The following DYM variants were observed in gnomAD, a reference collection of about 807,000 sequenced individuals.
The protein encoded by DYM is dymeclin.
Under a neutral mutation model 93.1 loss-of-function variants are expected in DYM, and 78 were observed. The ratio of observed to expected loss-of-function variants is 0.84; its 90% confidence interval spans 0.70 to 1.01. The LOEUF is 1.01. Ranked by LOEUF, DYM falls within the 50% of genes least tolerant of loss-of-function variation. The probability of loss-of-function intolerance (pLI) is 0.00; values close to 1 mark genes in which losing one functional copy is unlikely to be tolerated. For synonymous variants in DYM, 321 were observed against 319.7 expected, an observed-to-expected ratio of 1.00 and a Z score of -0.04; for missense variants, 789 against 845.0, an observed-to-expected ratio of 0.93 and a Z score of 0.82.
At chr18:49,112,465 C>T (rs1212835839) in intron 16 of DYM, among the ~76,000 whole-genome samples, 4 of 152,164 alleles carry the variant, frequency 2.6e-5, no homozygotes, top group Non-Finnish European at 1.5e-5. Flanking sequence ...CCTGGTGTCT[C>T]ACCTCAACTT....
At chr18:49,140,560 G>A (rs550409427) in intron 15 of DYM, among the ~76,000 whole-genome samples, 67 of 152,140 alleles carry the variant, frequency 4.4e-4, no homozygotes, top group African/African-American at 1.5e-3. Context: ...AATCTGATAC[G>A]AATTTTAAAA....
At chr18:49,369,728 C>A (rs2066826995) in intron 5 of DYM, among the ~76,000 whole-genome samples, 1 of 145,106 alleles carries the variant, frequency 6.9e-6, no homozygotes, top group Admixed American at 7.1e-5. Flanking sequence ...GAATAAGTCC[C>A]ACAAAATAAT....
At chr18:49,374,753 G>T (rs1249836463) in intron 5 of DYM, among the ~76,000 whole-genome samples, 1 of 152,204 alleles carries the variant, frequency 6.6e-6, no homozygotes, top group Non-Finnish European at 1.5e-5. Flanking sequence ...GAGGTCAGGA[G>T]TTCAAGACCA....
chr18:49,399,379 A>G (rs2070503164), intron 2 of DYM, among the ~76,000 whole-genome samples: 1 of 152,224 alleles, frequency 6.6e-6, no homozygotes. Flanking sequence ...TGGTTAATCA[A>G]CACAGGGGAA....
chr18:49,301,213 C>G (rs966282083), intron 8 of DYM, among the ~76,000 whole-genome samples: 3 of 152,040 alleles, frequency 2.0e-5, no homozygotes, highest in Non-Finnish European at 2.9e-5. Flanking sequence ...GCCTTTACTC[C>G]TTAAAAAGAA....
intron 1 of DYM, among the ~76,000 whole-genome samples, chr18:49,441,691 C>T (rs979215091): frequency 1.3e-5 from 2 of 151,824 alleles, no homozygotes; most frequent in Non-Finnish European, 2.9e-5. Flanking sequence ...CTGAACCAGC[C>T]GACCTGAGGA....
intron 5 of DYM, among the ~76,000 whole-genome samples, chr18:49,372,541 G>A (rs1444056905): frequency 6.6e-6 from 1 of 152,122 alleles, no homozygotes; most frequent in Non-Finnish European, 1.5e-5. Flanking sequence ...TCAGGAGTTC[G>A]TGACCAGCCT....
In DYM at chr18:49,175,041, T is replaced by C. The variant is rs144235675; in HGVS notation, c.1626-11254A>G. ...TAGAAATAGTAACTTCCCAAGCTTT[T>C]TTTCTCTATCAAATTATGTCATCTT... On this transcript the variant is annotated intron_variant, in intron 14 of 17. Coordinates refer to ENST00000675505, the MANE Select transcript of DYM (RefSeq NM_001353214.3). Among the ~76,000 whole-genome samples the C allele has an allele frequency of 6.6e-3, 1,002 of 152,308 alleles. 64 individuals carry two copies. Among genetic ancestry groups the C allele is most frequent in the Admixed American group, 0.06 (918 of 15,280 alleles).
At chr18:49,199,216 C>T (rs1568586366) in intron 14 of DYM, among the ~76,000 whole-genome samples, 1 of 152,086 alleles carries the variant, frequency 6.6e-6, no homozygotes, top group East Asian at 1.9e-4. Context: ...CATCACACAC[C>T]AGGGCCTGTT....
chr18:49,286,402 AC>A, intron 9 of DYM, 31 bp downstream of exon 9: 9 of 1,607,866 alleles, frequency 5.6e-6, no homozygotes, highest in Non-Finnish European at 7.7e-6. Flanking sequence ...TCTCCCCATT[AC>A]AAAGAATATT....
At chr18:49,212,271 T>C (rs1311623733) in intron 13 of DYM, among the ~76,000 whole-genome samples, 2 of 152,222 alleles carry the variant, frequency 1.3e-5, no homozygotes, top group African/African-American at 4.8e-5. Context: ...AGGCATTTTT[T>C]ACTTAAAATA....
At chr18:49,405,512 AT>A (rs1248758651) in intron 2 of DYM, among the ~76,000 whole-genome samples, 1 of 152,058 alleles carries the variant, frequency 6.6e-6, no homozygotes, top group East Asian at 1.9e-4. Context: ...TTTCCTTATG[AT>A]TTTTGTCCGC....
intron 8 of DYM, among the ~76,000 whole-genome samples, chr18:49,290,788 T>C (rs373989432): frequency 9.9e-5 from 15 of 151,954 alleles, no homozygotes; most frequent in Non-Finnish European, 2.2e-4. Flanking sequence ...TGGAGCAGAG[T>C]GGGAGTGAAG....
intron 14 of DYM, among the ~76,000 whole-genome samples, chr18:49,205,592 A>T (rs1378517977): frequency 6.6e-6 from 1 of 152,212 alleles, no homozygotes; most frequent in African/African-American, 2.4e-5. Flanking sequence ...TCATCCAAGA[A>T]GATAATAAAA....
chr18:49,099,432 G>C (rs182039095), intron 16 of DYM, among the ~76,000 whole-genome samples: 2 of 152,084 alleles, frequency 1.3e-5, no homozygotes, highest in African/African-American at 4.8e-5. Flanking sequence ...CAGACCAGAG[G>C]TTTCCAAACT....
chr18:49,223,557 T>G (rs1229880225), intron 13 of DYM, among the ~76,000 whole-genome samples: 1 of 152,150 alleles, frequency 6.6e-6, no homozygotes, highest in East Asian at 1.9e-4. Context: ...AATGTGAATA[T>G]GGGTTTTGAA....
chr18:49,127,609 G>C (rs1650130422), intron 15 of DYM, among the ~76,000 whole-genome samples: 1 of 152,162 alleles, frequency 6.6e-6, no homozygotes, highest in African/African-American at 2.4e-5. Context: ...GGGGAGTAGG[G>C]GGAGGAAATG....
At chr18:49,091,774 T>TC (rs1198535559) in intron 17 of DYM, among the ~76,000 whole-genome samples, 2 of 152,110 alleles carry the variant, frequency 1.3e-5, no homozygotes, top group Non-Finnish European at 2.9e-5. Context: ...TCTCGCTCTG[T>TC]CCCCTAGGCT....
At chr18:49,067,737 A>G (rs1458152349) in intron 17 of DYM, among the ~76,000 whole-genome samples, 4 of 152,226 alleles carry the variant, frequency 2.6e-5, no homozygotes, top group Non-Finnish European at 5.9e-5. Flanking sequence ...GTTAAATAAC[A>G]CACAACAAAA....
Sources: gnomAD v4.1 joint callset for allele counts (sites outside exome capture counted in the v4.1 genomes callset) on GRCh38, gnomAD v4.1.1 for gene constraint, MANE v1.5 for transcripts, NCBI Gene and HGNC (gene_info 2026-07-23, HGNC 2026-07-21) for gene names.